The following SURF6 variants were observed in gnomAD, a reference collection of about 807,000 sequenced individuals.
SURF6 encodes surfeit 6.
SURF6 carries 28 observed loss-of-function variants against 37.5 expected under a neutral mutation model. The observed-to-expected ratio is 0.75, with a 90% CI of 0.55 to 1.02. SURF6 has a LOEUF of 1.02. Ranked by LOEUF, SURF6 falls within the 50% of genes least tolerant of loss-of-function variation. SURF6 has a pLI of 0.00. For synonymous variants in SURF6, 248 were observed against 210.9 expected (o/e 1.18, Z -1.52); for missense variants, 560 against 490.5 (o/e 1.14, Z -1.34).
rs2129908429 is a variant in SURF6 at position 133,331,008 on chromosome 9, A to G, written c.*861T>C. 2.6e-5 allele frequency: 4 copies of G among 152,134 alleles called. No individual in the cohort carries two copies. The highest frequency in any genetic ancestry group is 6.5e-5 in the Admixed American group (1 of 15,270). 9.4% of individuals were successfully genotyped at this position (152,134 alleles called of 1,614,324 possible). A position where few individuals can be genotyped will look rare whatever the true frequency, so the allele number is the denominator to read the frequency against. On this transcript the variant is annotated 3_prime_UTR_variant, in exon 5 of 5. Transcript: ENST00000372022. The stretch of plus-strand genomic sequence containing the variant: ...TACAGTCTTTGTCTCATAACCGGAG[A>G]GTTTCATCAAAAGAATTTTATTTAC...
In SURF6 at chr9:133,329,353, C is replaced by T; in HGVS notation, c.*2516G>A. The T allele has an allele frequency of 5.2e-6, 1 of 194,050 alleles. No homozygotes were observed. Among genetic ancestry groups the T allele is most frequent in the South Asian group, 7.8e-5 (1 of 12,818 alleles). 12.0% of individuals were successfully genotyped at this position (194,050 alleles called of 1,614,324 possible). A position where few individuals can be genotyped will look rare whatever the true frequency, so the allele number is the denominator to read the frequency against. ...CAGGCCTGCCGGATGTCAGGCCCTC[C>T]ACAAGAGGTGGAAGAGCAGAGTCTT... On this transcript the variant is annotated 3_prime_UTR_variant, in exon 5 of 5. Coordinates refer to ENST00000372022, the MANE Select transcript of SURF6 (RefSeq NM_006753.6).
chr9:133,329,410 CT>C lies in SURF6; in HGVS notation c.*2458del. The C allele has an allele frequency of 3.5e-6, 1 of 283,046 alleles. No individual in the cohort carries two copies. The highest frequency in any genetic ancestry group is 7.3e-6 in the Non-Finnish European group (1 of 137,004). The allele number at this position is 283,046 out of a possible 1,614,324, so 17.5% of individuals were successfully genotyped here. ...ACTCCTCCAGGGAAAGGGACACTCC[CT>C]TTCCCGGTCTGCTAAGTAGCGGGTG... On this transcript the variant is annotated 3_prime_UTR_variant, in exon 5 of 5. Transcript: ENST00000372022.
rs2129921375 is a variant in SURF6 at position 133,332,767 on chromosome 9, G to C, written c.394-7C>G. Reference sequence around the variant, plus strand: ...ACAGCTCCTTGGCACTGCCCTGGGGGAAAGAGGCACCCACTCATTAAAGTT... The same window carrying C: ...ACAGCTCCTTGGCACTGCCCTGGGGCAAAGAGGCACCCACTCATTAAAGTT... On this transcript the variant is annotated splice_region_variant and splice_polypyrimidine_tract_variant and intron_variant, in intron 3 of 4. Transcript: ENST00000372022. 3.1e-6 allele frequency: 5 copies of C among 1,608,356 alleles called. No individual in the cohort carries two copies. The South Asian group carries it at 4.4e-5, about 14-fold the overall frequency.
rs986422850 is a variant in SURF6, at chr9:133,330,200, C to T, written c.*1669G>A. ...CTGTAGATGCACATACATTTAGGGG[C>T]TATGTTTTTTTGTGCTGCTTTAGCT... On this transcript the variant is annotated 3_prime_UTR_variant, in exon 5 of 5. Coordinates refer to ENST00000372022, the MANE Select transcript of SURF6 (RefSeq NM_006753.6). The T allele has an allele frequency of 6.6e-6, 1 of 152,128 alleles. No individual in the cohort carries two copies. The highest frequency in any genetic ancestry group is 2.4e-5 in the African/African-American group (1 of 41,406). 9.4% of individuals were successfully genotyped at this position (152,128 alleles called of 1,614,324 possible).
In SURF6 at chr9:133,332,557, G is replaced by GATC; in HGVS notation, c.594_596dup (p.Leu198_Ile199insMet). The GATC allele has an allele frequency of 6.2e-7, 1 of 1,608,630 alleles. No individual in the cohort carries two copies. The highest frequency in any genetic ancestry group is 8.5e-7 in the Non-Finnish European group (1 of 1,179,840). ...CCCAGCTCCCGCTCACCTTATTGAAGATCAGCCCGGGCGGCTCCCGCGGCT... is the reference window on the plus strand; with the variant it reads ...CCCAGCTCCCGCTCACCTTATTGAAGATCATCAGCCCGGGCGGCTCCCGCGGCT... On this transcript the variant is annotated inframe_insertion, in exon 4 of 5. Coordinates refer to ENST00000372022, the MANE Select transcript of SURF6 (RefSeq NM_006753.6).
intron 2 of SURF6, 52 bp from the exon 3 acceptor site, chr9:133,333,858 C>A: frequency 1.3e-6 from 2 of 1,501,628 alleles, no homozygotes; most frequent in South Asian, 1.2e-5. Flanking sequence ...CCTCCCCCTC[C>A]CTCCCTAGGG....
In SURF6 at chr9:133,331,190, C is replaced by T. The variant is rs943590296; in HGVS notation, c.*679G>A. ...GCTTTTATTCTTTCTTTCTCTTTCC[C>T]TAGGTCCAATGCACTTGACCCAACT... On this transcript the variant is annotated 3_prime_UTR_variant, in exon 5 of 5. Coordinates refer to ENST00000372022, the MANE Select transcript of SURF6 (RefSeq NM_006753.6). 2.0e-5 allele frequency: 3 copies of T among 152,234 alleles called. No individual in the cohort carries two copies. Among genetic ancestry groups the T allele is most frequent in the Non-Finnish European group, 4.4e-5 (3 of 68,054 alleles). 9.4% of individuals were successfully genotyped at this position (152,234 alleles called of 1,614,324 possible).
Position 133,332,682 on chromosome 9 carries a change from T to G in SURF6, c.472A>C (p.Lys158Gln). The G allele has an allele frequency of 6.2e-7, 1 of 1,612,352 alleles. No individual in the cohort carries two copies. The highest frequency in any genetic ancestry group is 1.1e-5 in the South Asian group (1 of 91,076). The change falls in exon 4 of 5, where the codon AAG becomes CAG. Residue 158 changes from lysine (K) to glutamine (Q), a missense_variant. Physicochemically the swap from Lys to Gln is moderately conservative, Grantham distance 53. Transcript: ENST00000372022. Reference protein sequence around the residue: ...RKQERDRKKRKRKELRAKEKA... With the variant: ...RKQERDRKKRQRKELRAKEKA... ...TCTTTCGCCCGCAGCTCCTTTCGCT[T>G]CCTCTTCTTCCGGTCCCGTTCCTGC...
In SURF6 at chr9:133,336,044, G is replaced by A. The variant is rs2129933689; in HGVS notation, c.89C>T (p.Thr30Met). The A allele has an allele frequency of 1.9e-6, 3 of 1,611,036 alleles. No homozygotes were observed. The Admixed American group carries it at 5.0e-5, about 27-fold the overall frequency. The change falls in exon 1 of 5, where the codon ACG (threonine) becomes ATG (methionine). Residue 30 changes from threonine (T) to methionine (M), a missense_variant. By Grantham distance (81) the Thr-to-Met change is moderately conservative. Coordinates refer to ENST00000372022, the MANE Select transcript of SURF6 (RefSeq NM_006753.6). ...GGCCCGGCCCTGTGCGTTACCCCGC[G>A]TGCGCGCCTGCTGTTCCGGGGCCGA... The part of the protein sequence containing the change: ...SHSAPEQQAR[T>M]RAGKTQGSET...
At chr9:133,333,220 C>T (rs2129922946) in intron 3 of SURF6, among the ~76,000 whole-genome samples, 18 of 152,152 alleles carry the variant, frequency 1.2e-4, no homozygotes, top group South Asian at 8.3e-4. Flanking sequence ...GCTTCAGGAA[C>T]AAGGGCCCAG....
Position 133,329,189 on chromosome 9 carries a change from T to C in SURF6, c.*2680A>G, listed in dbSNP as rs1343225974. Reference sequence around the variant, plus strand: ...CATTACTTCTGCATATCAGAGACTTTTAGTACTTTCACTAATTTACTACTG... The same window carrying C: ...CATTACTTCTGCATATCAGAGACTTCTAGTACTTTCACTAATTTACTACTG... On this transcript the variant is annotated 3_prime_UTR_variant, in exon 5 of 5. Coordinates refer to ENST00000372022, the MANE Select transcript of SURF6 (RefSeq NM_006753.6). 7 of 153,012 alleles carry C rather than the reference T, an allele frequency of 4.6e-5. No individual in the cohort carries two copies. Among genetic ancestry groups the C allele is most frequent in the Non-Finnish European group, 1.0e-4 (7 of 68,556 alleles). 9.5% of individuals were successfully genotyped at this position (153,012 alleles called of 1,614,324 possible).
Position 133,334,440 on chromosome 9 carries a change from C to T in SURF6, c.256G>A (p.Ala86Thr). The T allele has an allele frequency of 1.9e-6, 3 of 1,613,984 alleles. No homozygotes were observed. The highest frequency in any genetic ancestry group is 1.7e-6 in the Non-Finnish European group (2 of 1,180,042). ...GAAGCCCAAGCTGCTTCCTCTTTGG[C>T]TGCCTCAGGCCTCCTGGCCCCAGAG... is the stretch of plus-strand genomic sequence containing the variant. The part of the protein sequence containing the change: ...AASGARRPEA[A>T]KEEAAWASSS... Residue 86 changes from alanine (A) to threonine (T), a missense_variant, in exon 2 of 5, where the codon GCC (alanine) becomes ACC (threonine). By Grantham distance (58) the Ala-to-Thr change is moderately conservative. Transcript: ENST00000372022.
intron 3 of SURF6, 114 bp from the exon 4 acceptor site, chr9:133,332,874 A>T: frequency 9.7e-7 from 1 of 1,033,912 alleles, no homozygotes; most frequent in Non-Finnish European, 1.4e-6. Flanking sequence ...TCCTCACGCA[A>T]ACAAGGGGCC....
chr9:133,332,106 A>C lies in SURF6; in HGVS notation c.849T>G (p.Arg283=). 1 of 1,609,792 alleles carries C rather than the reference A, an allele frequency of 6.2e-7. No individual in the cohort carries two copies. Among genetic ancestry groups the C allele is most frequent in the Non-Finnish European group, 8.5e-7 (1 of 1,179,914 alleles). ...LLYKAEGVKI[R]DDERLLQEAL... ...CCTCCTGCAGCAGGCGTTCGTCGTC[A>C]CGGATCTTCACGCCCTCCGCCTTGT... The change falls in exon 5 of 5, where the codon CGT becomes CGG. Residue 283 remains arginine, a synonymous_variant. Transcript: ENST00000372022.
chr9:133,335,986 CCG>C, intron 1 of SURF6, 51 bp downstream of exon 1: 1 of 1,511,438 alleles, frequency 6.6e-7, no homozygotes, highest in Non-Finnish European at 9.1e-7. Context: ...CCGGCTCCGG[CCG>C]CGTCCCCCGT....
rs2129927294 is a variant in SURF6, at chr9:133,334,441, T to C, written c.255A>G (p.Ala85=). 1.5e-5 allele frequency: 24 copies of C among 1,613,936 alleles called. No homozygotes were observed. The South Asian group carries it at 1.9e-4, about 13-fold the overall frequency. ...AAGCCCAAGCTGCTTCCTCTTTGGCTGCCTCAGGCCTCCTGGCCCCAGAGG... is the reference window on the plus strand; with the variant it reads ...AAGCCCAAGCTGCTTCCTCTTTGGCCGCCTCAGGCCTCCTGGCCCCAGAGG... ...PAASGARRPE[A]AKEEAAWASS... The change falls in exon 2 of 5, where the codon GCA becomes GCG. Residue 85 remains alanine (A), a synonymous_variant. Transcript: ENST00000372022.
At position 133,334,567 on chromosome 9, in the gene SURF6, G is replaced by A; in HGVS notation, c.129C>T (p.Pro43=). Residue 43 remains proline, a synonymous_variant, in exon 2 of 5, where the codon CCC becomes CCT. Coordinates refer to ENST00000372022, the MANE Select transcript of SURF6 (RefSeq NM_006753.6). ...GKTQGSETAG[P]PKKKRKKTQK... is the part of the protein sequence containing the mutation. The stretch of plus-strand genomic sequence containing the variant: ...GTGTTTTCTTCCTTTTCTTTTTTGG[G>A]GGCCCTGCAGTTTCTGAGCCTTGAG... The A allele has an allele frequency of 6.2e-7, 1 of 1,611,874 alleles. No homozygotes were observed. The highest frequency in any genetic ancestry group is 1.1e-5 in the South Asian group (1 of 91,074).
At position 133,331,582 on chromosome 9, in the gene SURF6, CGG is replaced by C. The variant is rs1435016562; in HGVS notation, c.*285_*286del. 2 of 379,022 alleles carry C rather than the reference CGG, an allele frequency of 5.3e-6. No homozygotes were observed. Among genetic ancestry groups the C allele is most frequent in the Non-Finnish European group, 9.2e-6 (2 of 217,378 alleles). 23.5% of individuals were successfully genotyped at this position (379,022 alleles called of 1,614,324 possible). On this transcript the variant is annotated 3_prime_UTR_variant, in exon 5 of 5. Coordinates refer to ENST00000372022, the MANE Select transcript of SURF6 (RefSeq NM_006753.6). ...TCCTCCTCCCTGACCCTGCAAACCT[CGG>C]GGAAGCTTTCAGGCCCGGGAAAGCA... is the stretch of plus-strand genomic sequence containing the variant.
intron 1 of SURF6, 81 bp downstream of exon 1, chr9:133,335,958 T>C: frequency 8.9e-7 from 1 of 1,125,544 alleles, no homozygotes; most frequent in Non-Finnish European, 1.3e-6. Flanking sequence ...TTTCTAGTAC[T>C]TTACAGACTC....
Sources: allele counts gnomAD v4.1 joint callset (sites outside exome capture counted in the v4.1 genomes callset), GRCh38; gene constraint gnomAD v4.1.1; transcripts MANE v1.5; gene names NCBI Gene and HGNC (gene_info 2026-07-23, HGNC 2026-07-21).